Variants in PPARA observed in about 807,000 individuals in gnomAD.
PPARA encodes peroxisome proliferator activated receptor alpha.
PPARA carries 22 observed loss-of-function variants against 42.2 expected under a neutral mutation model. The observed-to-expected ratio is 0.52, with a 90% CI of 0.37 to 0.74. The LOEUF (loss-of-function observed/expected upper bound fraction) is 0.74, where lower values mean the gene tolerates loss of function less well. Among genes scored for constraint, PPARA ranks in the 30% least tolerant of loss-of-function variants. The probability of loss-of-function intolerance (pLI) is 0.00; values close to 1 mark genes in which losing one functional copy is unlikely to be tolerated. For missense variants in PPARA, 465 were observed against 608.2 expected, an observed-to-expected ratio of 0.76 and a Z score of 2.48; for synonymous variants, 242 against 239.3, an observed-to-expected ratio of 1.01 and a Z score of -0.10.
chr22:46,151,841 C>T (rs971663971), intron 1 of PPARA, 47 bp from the exon 2 acceptor site: 1 of 152,268 alleles, frequency 6.6e-6, no homozygotes, highest in African/African-American at 2.4e-5. Flanking sequence ...TGGGGGGCAT[C>T]CAGAGAACAA....
chr22:46,218,459 T>G, intron 6 of PPARA, 58 bp downstream of exon 6: 2 of 1,606,296 alleles, frequency 1.2e-6, no homozygotes. Context: ...CCTTCCTTGC[T>G]CCAAGGGAAC....
At chr22:46,168,723 C>G (rs1927507626) in intron 2 of PPARA, among the ~76,000 whole-genome samples, 1 of 151,942 alleles carries the variant, frequency 6.6e-6, no homozygotes. Context: ...ATAGACATCT[C>G]TCTTCGTAGA....
chr22:46,198,720 G>A, intron 4 of PPARA, 129 bp downstream of exon 4: 2 of 943,732 alleles, frequency 2.1e-6, no homozygotes, highest in South Asian at 1.4e-5. Flanking sequence ...GAGTGCAATG[G>A]CTCGATCTCG....
Position 46,232,355 on chromosome 22 carries a change from C to A in PPARA, c.1159+116C>A. The stretch of plus-strand genomic sequence containing the variant: ...GCTGTTCCAGTGGAGGGGACACTCA[C>A]ATGGTGGGAAGACGTCTGACCCCCA... On this transcript the variant is annotated intron_variant, in intron 8 of 8. Transcript: ENST00000407236. The surrounding 1 kb of genome is among the most constrained non-coding windows in gnomAD (Gnocchi z 5.3). The A allele has an allele frequency of 9.6e-7, 1 of 1,044,248 alleles. No homozygotes were observed. Among genetic ancestry groups the A allele is most frequent in the Non-Finnish European group, 1.5e-6 (1 of 669,342 alleles). The allele number at this position is 1,044,248 out of a possible 1,614,324, so 64.7% of individuals were successfully genotyped here.
rs6008197 is a variant in PPARA at position 46,224,519 on chromosome 22, G to C, written c.711+4505G>C. Among the ~76,000 whole-genome samples, 38,900 of 152,158 alleles carry C rather than the reference G, an allele frequency of 0.26. 7,935 individuals are homozygous for C. The highest frequency in any genetic ancestry group is 0.57 in the African/African-American group (23,746 of 41,468). On this transcript the variant is annotated intron_variant, in intron 7 of 8. Coordinates refer to ENST00000407236, the MANE Select transcript of PPARA (RefSeq NM_005036.6). This position sits in a 1 kb window ranked among gnomAD's most constrained non-coding sequence, Gnocchi z 5.7. Reference sequence around the variant, plus strand: ...TTGATCTCTGCCCAGTGGCCCACATGCGGTCGCCGTTTCATCAGTTTCCAG... The same window carrying C: ...TTGATCTCTGCCCAGTGGCCCACATCCGGTCGCCGTTTCATCAGTTTCCAG...
At chr22:46,226,653 G>A (rs1486176220) in intron 7 of PPARA, among the ~76,000 whole-genome samples, 1 of 152,174 alleles carries the variant, frequency 6.6e-6, no homozygotes, top group South Asian at 2.1e-4. Context: ...ATTAAACAGA[G>A]TAAAACGTCT....
rs1927320692 is a variant in PPARA at position 46,167,918 on chromosome 22, G to A, written c.-126-8835G>A. On this transcript the variant is annotated intron_variant, in intron 2 of 8. Coordinates refer to ENST00000407236, the MANE Select transcript of PPARA (RefSeq NM_005036.6). The surrounding 1 kb of genome is among the most constrained non-coding windows in gnomAD (Gnocchi z 4.1). ...TAAAAAGCCTGTGCCAGGCACAGTG[G>A]CACATGTCTGTAGTCCTAGCTACTC... Among the ~76,000 whole-genome samples the A allele has an allele frequency of 1.3e-5, 2 of 151,862 alleles. No homozygotes were observed.
In PPARA at chr22:46,230,614, C is replaced by G. The variant is rs1180311688; in HGVS notation, c.712-1178C>G. 6.6e-6 allele frequency among the ~76,000 whole-genome samples: 1 copy of G among 152,214 alleles called. No individual in the cohort carries two copies. Among genetic ancestry groups the G allele is most frequent in the Non-Finnish European group, 1.5e-5 (1 of 68,048 alleles). On this transcript the variant is annotated intron_variant, in intron 7 of 8. Transcript: ENST00000407236. This position sits in a 1 kb window ranked among gnomAD's most constrained non-coding sequence, Gnocchi z 5.0. ...CCAGCCACCTCTTCCACCACGAGAT[C>G]TTCAGGAAATGGCAGGCCACTGGGT...
At chr22:46,218,637 C>A (rs1934715116) in intron 6 of PPARA, among the ~76,000 whole-genome samples, 1 of 151,114 alleles carries the variant, frequency 6.6e-6, no homozygotes, top group Non-Finnish European at 1.5e-5. Flanking sequence ...AGTTTGAGAC[C>A]AGCCTGGCCA....
At position 46,166,407 on chromosome 22, in the gene PPARA, C is replaced by A. The variant is rs529545145; in HGVS notation, c.-126-10346C>A. 3.2e-4 allele frequency among the ~76,000 whole-genome samples: 49 copies of A among 152,220 alleles called. 1 individual carries two copies. Among genetic ancestry groups the A allele is most frequent in the Admixed American group, 2.5e-3 (38 of 15,288 alleles). On this transcript the variant is annotated intron_variant, in intron 2 of 8. Transcript: ENST00000407236. ...CTGAGGCAGGTGGATCATTTGGGGT[C>A]AGGAGTTTGAGACCAGCCTGGCCAA...
In PPARA at chr22:46,224,829, A is replaced by G. The variant is rs1361225264; in HGVS notation, c.711+4815A>G. 5.9e-5 allele frequency among the ~76,000 whole-genome samples: 9 copies of G among 152,140 alleles called. No homozygotes were observed. Among genetic ancestry groups the G allele is most frequent in the African/African-American group, 2.2e-4 (9 of 41,428 alleles). Reference sequence around the variant, plus strand: ...GGGGGATGGATAGATTTTAATTTCAAAGCAGCCCTCTGGTTTGCTATAAGC... The same window carrying G: ...GGGGGATGGATAGATTTTAATTTCAGAGCAGCCCTCTGGTTTGCTATAAGC... On this transcript the variant is annotated intron_variant, in intron 7 of 8. Coordinates refer to ENST00000407236, the MANE Select transcript of PPARA (RefSeq NM_005036.6). The surrounding 1 kb of genome is among the most constrained non-coding windows in gnomAD (Gnocchi z 5.7).
chr22:46,235,230 T>C lies in PPARA; in HGVS notation c.1257T>C (p.Asp419=), dbSNP rs757707058. ...RLHLQSNHPD[D]IFLFPKLLQK... Reference sequence around the variant, plus strand: ...ACCTGCAGAGCAACCACCCGGACGATATCTTTCTCTTCCCAAAACTTCTTC... The same window carrying C: ...ACCTGCAGAGCAACCACCCGGACGACATCTTTCTCTTCCCAAAACTTCTTC... The change falls in exon 9 of 9, where the codon GAT becomes GAC. Residue 419 remains aspartate (D), a synonymous_variant. Transcript: ENST00000407236. The surrounding 1 kb of genome is among the most constrained non-coding windows in gnomAD (Gnocchi z 7.0). The C allele has an allele frequency of 1.2e-6, 2 of 1,614,100 alleles. No individual in the cohort carries two copies. The highest frequency in any genetic ancestry group is 2.2e-5 in the East Asian group (1 of 44,882).
chr22:46,151,841 C>G (rs971663971), intron 1 of PPARA, 47 bp from the exon 2 acceptor site: 4 of 152,268 alleles, frequency 2.6e-5, no homozygotes, highest in African/African-American at 9.6e-5. Flanking sequence ...TGGGGGGCAT[C>G]CAGAGAACAA....
At position 46,232,035 on chromosome 22, in the gene PPARA, G is replaced by T. The variant is rs937915400; in HGVS notation, c.955G>T (p.Ala319Ser). 8 of 1,614,058 alleles carry T rather than the reference G, an allele frequency of 5.0e-6. No homozygotes were observed. The Admixed American group carries it at 1.2e-4, about 24-fold the overall frequency. Residue 319 changes from alanine (A) to serine (S), a missense_variant, in exon 8 of 9, where the codon GCC becomes TCC. By Grantham distance (99) the Ala-to-Ser change is moderately conservative. This residue lies in a region of PPARA where 313 missense variants were observed against 469.1 expected (regional missense o/e 0.67). Coordinates refer to ENST00000407236, the MANE Select transcript of PPARA (RefSeq NM_005036.6). This position sits in a 1 kb window ranked among gnomAD's most constrained non-coding sequence, Gnocchi z 5.3. Reference protein sequence around the residue: ...LKYGVYEAIFAMLSSVMNKDG... With the variant: ...LKYGVYEAIFSMLSSVMNKDG... ...ATACGGAGTTTATGAGGCCATATTC[G>T]CCATGCTGTCTTCTGTGATGAACAA...
intron 2 of PPARA, among the ~76,000 whole-genome samples, chr22:46,158,391 A>T (rs1166887445): frequency 1.3e-5 from 2 of 152,166 alleles, no homozygotes; most frequent in Non-Finnish European, 2.9e-5. Context: ...AAAAAAAAAG[A>T]GTGAGGCCCC....
rs2147590350 is a variant in PPARA, at chr22:46,219,222, T to C, written c.509-590T>C. Among the ~76,000 whole-genome samples the C allele has an allele frequency of 6.6e-6, 1 of 152,238 alleles. No individual in the cohort carries two copies. The highest frequency in any genetic ancestry group is 1.9e-4 in the East Asian group (1 of 5,178). On this transcript the variant is annotated intron_variant, in intron 6 of 8. Transcript: ENST00000407236. This position sits in a 1 kb window ranked among gnomAD's most constrained non-coding sequence, Gnocchi z 4.8. ...GCTGAGATTCAGTGGTGCATTGGAC[T>C]CGCTGTTAGAAACTTCAGTGGTAAG...
intron 4 of PPARA, among the ~76,000 whole-genome samples, chr22:46,199,717 A>G (rs1024438653): frequency 6.6e-6 from 1 of 152,082 alleles, no homozygotes; most frequent in African/African-American, 2.4e-5. Flanking sequence ...AATTAATGTA[A>G]AATCTTTTAT....
rs1381745993 is a variant in PPARA at position 46,205,549 on chromosome 22, TATATA to T, written c.208+6959_208+6963del. Among the ~76,000 whole-genome samples, 260 of 36,870 alleles carry T rather than the reference TATATA, an allele frequency of 7.1e-3. 12 individuals are homozygous for T. The highest frequency in any genetic ancestry group is 0.023 in the African/African-American group (164 of 7,240). The allele number at this position is 36,870 out of a possible 152,430, so 24.2% of individuals were successfully genotyped here. ...ATATATATATATATATATATATATA[TATATA>T]TTTTTTTTTTTTTTTTTTTTTTTTT... On this transcript the variant is annotated intron_variant, in intron 4 of 8. Transcript: ENST00000407236.
chr22:46,231,565 G>A lies in PPARA; in HGVS notation c.712-227G>A, dbSNP rs958025932. Among the ~76,000 whole-genome samples, 9 of 152,084 alleles carry A rather than the reference G, an allele frequency of 5.9e-5. No homozygotes were observed. The highest frequency in any genetic ancestry group is 5.8e-4 in the East Asian group (3 of 5,192). ...CGATGAAATCCACCCAATGTCAGGC[G>A]ATGACTATTATTATTTTACTGATTT... On this transcript the variant is annotated intron_variant, in intron 7 of 8. Transcript: ENST00000407236. The surrounding 1 kb of genome is among the most constrained non-coding windows in gnomAD (Gnocchi z 7.7).
Sources: allele counts gnomAD v4.1 joint callset (sites outside exome capture counted in the v4.1 genomes callset), GRCh38; gene constraint gnomAD v4.1.1; regional missense constraint gnomAD v4.1.1; non-coding constraint Gnocchi (gnomAD v3.1); transcripts MANE v1.5; gene names NCBI Gene and HGNC (gene_info 2026-07-23, HGNC 2026-07-21).